APOLD1: variants seen among roughly 807,000 people sequenced by gnomAD.
The protein encoded by APOLD1 is apolipoprotein L domain containing 1.
In APOLD1, 22 loss-of-function variants were observed where a neutral mutation model predicts 15.3. The observed-to-expected ratio is 1.44, with a 90% CI of 1.03 to 2.05. APOLD1 has a LOEUF of 2.05. Among genes scored for constraint, APOLD1 ranks in the 30% most tolerant of loss-of-function variants. The probability of loss-of-function intolerance (pLI) is 0.00; values close to 1 mark genes in which losing one functional copy is unlikely to be tolerated. For missense variants in APOLD1, 394 were observed against 353.5 expected (o/e 1.11, Z -0.92); for synonymous variants, 190 against 167.4 (o/e 1.13, Z -1.04).
rs11055051 is a variant in APOLD1 at position 12,760,842 on chromosome 12, C to T, written c.97-26067C>T. ...AACATATGAAAGTTACTCTACCTCT[C>T]TAATAGTCAGTAAAGCACATTTTAA... On this transcript the variant is annotated intron_variant, in intron 1 of 1. Coordinates refer to the APOLD1 transcript ENST00000326765. 2.1e-3 allele frequency among the ~76,000 whole-genome samples: 326 copies of T among 152,270 alleles called. 1 individual carries two copies. Among genetic ancestry groups the T allele is most frequent in the African/African-American group, 7.4e-3 (309 of 41,538 alleles).
chr12:12,736,355 A>C (rs4763297), intron 1 of APOLD1, among the ~76,000 whole-genome samples: 56,741 of 130,770 alleles, frequency 0.43, 11,460 homozygotes, highest in South Asian at 0.57. Flanking sequence ...CTGTCTCAAA[A>C]AAAACAAAAC....
intron 1 of APOLD1, among the ~76,000 whole-genome samples, chr12:12,775,718 G>T (rs1460229062): frequency 1.3e-5 from 2 of 152,062 alleles, no homozygotes; most frequent in African/African-American, 4.8e-5. Context: ...TTTAAAAAAC[G>T]ATTGGGTACA....
At chr12:12,732,855 T>G (rs1351191829) in intron 1 of APOLD1, among the ~76,000 whole-genome samples, 1 of 152,116 alleles carries the variant, frequency 6.6e-6, no homozygotes, top group Non-Finnish European at 1.5e-5. Flanking sequence ...ACTATAATGT[T>G]AAATATTAGA....
intron 1 of APOLD1, among the ~76,000 whole-genome samples, chr12:12,769,481 G>C (rs549094882): frequency 7.6e-4 from 116 of 152,180 alleles, no homozygotes; most frequent in Non-Finnish European, 1.5e-3. Flanking sequence ...GTGTGGACAA[G>C]TCTGTGAGAT....
At chr12:12,772,669 A>C (rs1946998246) in intron 1 of APOLD1, among the ~76,000 whole-genome samples, 1 of 152,234 alleles carries the variant, frequency 6.6e-6, no homozygotes, top group Admixed American at 6.5e-5. Context: ...TTTATTAAAC[A>C]GTAGCAGGTT....
intron 1 of APOLD1, among the ~76,000 whole-genome samples, chr12:12,764,165 G>C (rs1463861232): frequency 6.6e-6 from 1 of 152,152 alleles, no homozygotes; most frequent in Non-Finnish European, 1.5e-5. Flanking sequence ...GTTTCGCCAT[G>C]TTGGGCAGGG....
At chr12:12,726,922 TGAA>T (rs1183435082) in intron 1 of APOLD1, among the ~76,000 whole-genome samples, 1 of 152,248 alleles carries the variant, frequency 6.6e-6, no homozygotes, top group East Asian at 1.9e-4. Context: ...TTTTTTGAGT[TGAA>T]GACACGCTAG....
chr12:12,774,562 AAAAAAAAAAAAAG>A (rs2136393946), intron 1 of APOLD1, among the ~76,000 whole-genome samples: 1 of 137,650 alleles, frequency 7.3e-6, no homozygotes, highest in African/African-American at 2.8e-5. Flanking sequence ...AAAAAAAAAA[AAAAAAAAAAAAAG>A]AAAGAAAAGA....
chr12:12,729,818 T>C (rs938380177), intron 1 of APOLD1, among the ~76,000 whole-genome samples: 6 of 152,074 alleles, frequency 3.9e-5, no homozygotes, highest in Admixed American at 1.3e-4. Flanking sequence ...GTTTAAATGG[T>C]AATTTGTATC....
intron 1 of APOLD1, among the ~76,000 whole-genome samples, chr12:12,736,351 C>G (rs1946685288): frequency 1.9e-5 from 2 of 104,788 alleles, no homozygotes; most frequent in Non-Finnish European, 4.0e-5. Flanking sequence ...GAGTCTGTCT[C>G]AAAAAAAACA....
chr12:12,786,632 A>T (rs1158484583), intron 1 of APOLD1: 21 of 983,800 alleles, frequency 2.1e-5, no homozygotes, highest in Non-Finnish European at 2.5e-5. Flanking sequence ...GATGAAGCCC[A>T]TCGTTAACGT....
At chr12:12,785,648 G>A (rs760083845), upstream of APOLD1, 10 of 1,614,070 alleles carry the variant, frequency 6.2e-6, no homozygotes, top group Admixed American at 1.7e-4. Context: ...CACTCATCCA[G>A]AAACAGCCTC....
At chr12:12,744,746 C>A (rs1042145679) in intron 1 of APOLD1, among the ~76,000 whole-genome samples, 29 of 152,136 alleles carry the variant, frequency 1.9e-4, no homozygotes, top group African/African-American at 7.0e-4. Flanking sequence ...TGGTTTATTG[C>A]CTATTAAGCT....
chr12:12,757,343 A>C (rs773438793), intron 1 of APOLD1, among the ~76,000 whole-genome samples: 4 of 152,118 alleles, frequency 2.6e-5, no homozygotes, highest in Non-Finnish European at 4.4e-5. Context: ...ACCACAACAG[A>C]CCACCCATCT....
chr12:12,765,978 C>T (rs1209146297), intron 1 of APOLD1, among the ~76,000 whole-genome samples: 1 of 152,096 alleles, frequency 6.6e-6, no homozygotes, highest in African/African-American at 2.4e-5. Flanking sequence ...AATCAAGTCA[C>T]TCAAGGAATA....
At chr12:12,733,282 G>T (rs912822709) in intron 1 of APOLD1, among the ~76,000 whole-genome samples, 4 of 151,582 alleles carry the variant, frequency 2.6e-5, no homozygotes, top group Non-Finnish European at 5.9e-5. Context: ...CTGTGATCAC[G>T]CCACTGCACT....
intron 1 of APOLD1, among the ~76,000 whole-genome samples, chr12:12,754,868 T>C (rs1158872542): frequency 1.4e-5 from 2 of 140,760 alleles, no homozygotes; most frequent in Non-Finnish European, 3.0e-5. Context: ...AGTGAGACCT[T>C]TGTCTCTCAA....
chr12:12,768,827 T>TA (rs1946961650), intron 1 of APOLD1, among the ~76,000 whole-genome samples: 1 of 151,902 alleles, frequency 6.6e-6, no homozygotes, highest in African/African-American at 2.4e-5. Flanking sequence ...TTTTTTTTTT[T>TA]AGCATTGAAA....
chr12:12,790,947 G>A lies in APOLD1; in HGVS notation c.*3295G>A, dbSNP rs1947181354. ...GAAGACGGGAGAGAGGTATTTAGAT[G>A]ATAAGTGTACTTCACAAAAATGCCA... is the stretch of plus-strand genomic sequence containing the variant. On this transcript the variant is annotated 3_prime_UTR_variant, in exon 2 of 2. Coordinates refer to ENST00000356591, the MANE Select transcript of APOLD1 (RefSeq NM_030817.3). The A allele has an allele frequency of 6.6e-6, 1 of 152,178 alleles. No homozygotes were observed. The highest frequency in any genetic ancestry group is 1.5e-5 in the Non-Finnish European group (1 of 68,032). The allele number at this position is 152,178 out of a possible 1,614,324, so 9.4% of individuals were successfully genotyped here.
Sources: allele counts gnomAD v4.1 joint callset (sites outside exome capture counted in the v4.1 genomes callset), GRCh38; gene constraint gnomAD v4.1.1; transcripts MANE v1.5; gene names NCBI Gene and HGNC (gene_info 2026-07-23, HGNC 2026-07-21).